RUBCN: variants seen among roughly 807,000 people sequenced by gnomAD.
RUBCN encodes rubicon autophagy regulator, also known as run domain Beclin-1-interacting and cysteine-rich domain-containing protein.
In RUBCN, 74 loss-of-function variants were observed where a neutral mutation model predicts 113.2. That is an observed-to-expected ratio of 0.65 (90% CI 0.54 to 0.79). The LOEUF is 0.79. RUBCN is among the 30% of genes least tolerant of loss of function. RUBCN has a pLI of 0.00. For synonymous variants in RUBCN, 480 were observed against 490.0 expected, an observed-to-expected ratio of 0.98 and a Z score of 0.27; for missense variants, 1,109 against 1,251.7, an observed-to-expected ratio of 0.89 and a Z score of 1.72.
intron 1 of RUBCN, among the ~76,000 whole-genome samples, chr3:197,724,333 A>G (rs1726499252): frequency 6.6e-6 from 1 of 152,180 alleles, no homozygotes; most frequent in African/African-American, 2.4e-5. Flanking sequence ...TACACTATAT[A>G]ACTAATACAT....
At chr3:197,702,423 G>A (rs1318097820) in intron 5 of RUBCN, among the ~76,000 whole-genome samples, 1 of 152,206 alleles carries the variant, frequency 6.6e-6, no homozygotes, top group Non-Finnish European at 1.5e-5. Flanking sequence ...AGCACTTTGG[G>A]AGGCCAAGGC....
chr3:197,703,697 A>C, intron 4 of RUBCN, 43 bp from the exon 5 acceptor site: 2 of 1,266,672 alleles, frequency 1.6e-6, no homozygotes, highest in Non-Finnish European at 2.3e-6. Flanking sequence ...CCCATCAGGG[A>C]GGCCTTGAGA....
chr3:197,747,611 A>C (rs1728805119), intron 1 of RUBCN, among the ~76,000 whole-genome samples: 1 of 152,150 alleles, frequency 6.6e-6, no homozygotes, highest in African/African-American at 2.4e-5. Flanking sequence ...AAATGCCTCC[A>C]AACTCTAATT....
At position 197,683,536 on chromosome 3, in the gene RUBCN, G is replaced by A. The variant is rs1721503722; in HGVS notation, c.1848-97C>T. 12 of 1,424,960 alleles carry A rather than the reference G, an allele frequency of 8.4e-6. No individual in the cohort carries two copies. In the East Asian group the frequency reaches 2.9e-4, roughly 34 times the overall value. The allele number at this position is 1,424,960 out of a possible 1,614,324, so 88.3% of individuals were successfully genotyped here. A position where few individuals can be genotyped will look rare whatever the true frequency, so the allele number is the denominator to read the frequency against. ...CTCATCCCCCACGCAGCAACTTCTG[G>A]GCTGGAAGAACACCCGCAGCACCCT... On this transcript the variant is annotated intron_variant, in intron 12 of 19. Transcript: ENST00000296343. The surrounding 1 kb of genome is among the most constrained non-coding windows in gnomAD (Gnocchi z 4.6).
chr3:197,706,107 T>C (rs1403151609), intron 2 of RUBCN, among the ~76,000 whole-genome samples: 1 of 152,190 alleles, frequency 6.6e-6, no homozygotes, highest in African/African-American at 2.4e-5. Context: ...GAGCTATTGT[T>C]AAAAGCCAGA....
At chr3:197,694,225 C>T (rs781663407) in intron 10 of RUBCN, 150 bp downstream of exon 10, 2 of 801,686 alleles carry the variant, frequency 2.5e-6, no homozygotes, top group East Asian at 2.5e-5. Context: ...GGAAACGGAG[C>T]GACTCTAGGA....
rs1333482948 is a variant in RUBCN at position 197,704,627 on chromosome 3, C to A, written c.378G>T (p.Leu126=). The part of the protein sequence containing the change: ...ASERAVAELW[L]QHSLQYHCLS... ...GGCAGTGGTACTGCAGGCTGTGCTG[C>A]AGCCACAGCTCGGCAACAGCACGTT... Residue 126 remains leucine, a synonymous_variant, in exon 4 of 20, where the codon CTG becomes CTT. Transcript: ENST00000296343. 1 of 1,614,040 alleles carries A rather than the reference C, an allele frequency of 6.2e-7. No homozygotes were observed.
chr3:197,713,488 C>T (rs1238345554), intron 2 of RUBCN, among the ~76,000 whole-genome samples: 1 of 152,170 alleles, frequency 6.6e-6, no homozygotes, highest in Non-Finnish European at 1.5e-5. Context: ...TCCCAAGTTT[C>T]TGACTTGGGA....
chr3:197,738,751 G>GT (rs11332801), upstream of RUBCN, among the ~76,000 whole-genome samples: 715 of 142,376 alleles, frequency 5.0e-3, 3 homozygotes, highest in South Asian at 0.016. Context: ...CAGCTAATTT[G>GT]TTTTTTTTTT....
chr3:197,730,685 G>GA (rs1433387831), intron 1 of RUBCN, among the ~76,000 whole-genome samples: 2 of 150,168 alleles, frequency 1.3e-5, no homozygotes, highest in Non-Finnish European at 2.9e-5. Context: ...ATCAAACAAA[G>GA]AAACAGGTGG....
intron 1 of RUBCN, among the ~76,000 whole-genome samples, chr3:197,720,084 C>T (rs976829838): frequency 5.9e-5 from 9 of 152,098 alleles, no homozygotes; most frequent in Non-Finnish European, 7.4e-5. Context: ...GCCCTTCTCC[C>T]GCCTTACTGT....
chr3:197,714,719 G>A (rs1264587148), intron 2 of RUBCN, among the ~76,000 whole-genome samples: 2 of 152,188 alleles, frequency 1.3e-5, no homozygotes, highest in Non-Finnish European at 2.9e-5. Flanking sequence ...AAAGCAAGAT[G>A]AGCTTAGAGT....
Position 197,701,139 on chromosome 3 carries a change from T to A in RUBCN, c.735A>T (p.Arg245Ser), listed in dbSNP as rs762421181. Residue 245 changes from arginine (R) to serine (S), a missense_variant, in exon 7 of 20, where the codon AGA (arginine) becomes AGT (serine). Transcript: ENST00000296343. ...GGCCAGAGAGTGGAAAGGAAGTAGA[T>A]CTTCTCTCTAGAATATAAAAGGAAA... ...QSVPNNGSER[R>S]STSFPLSGPP... The A allele has an allele frequency of 1.6e-5, 24 of 1,541,350 alleles. No homozygotes were observed. The East Asian group carries it at 5.2e-4, about 33-fold the overall frequency.
intron 11 of RUBCN, among the ~76,000 whole-genome samples, chr3:197,692,298 G>A (rs931455407): frequency 6.6e-6 from 1 of 151,992 alleles, no homozygotes; most frequent in Non-Finnish European, 1.5e-5. Context: ...GGGGCAGGAC[G>A]AGTTCCTGTG....
At chr3:197,697,344 T>C (rs1723129107) in intron 7 of RUBCN, among the ~76,000 whole-genome samples, 1 of 152,240 alleles carries the variant, frequency 6.6e-6, no homozygotes, top group East Asian at 1.9e-4. Flanking sequence ...CTTACATCTT[T>C]TAACCAAACA....
At chr3:197,679,442 T>C (rs1345766152) in intron 16 of RUBCN, among the ~76,000 whole-genome samples, 1 of 149,296 alleles carries the variant, frequency 6.7e-6, no homozygotes, top group African/African-American at 2.5e-5. Context: ...GGCTTCAGAC[T>C]GTCCTACGCT....
At chr3:197,718,157 G>T (rs1241003057) in intron 1 of RUBCN, 27 bp from the exon 2 acceptor site, 2 of 1,613,658 alleles carry the variant, frequency 1.2e-6, no homozygotes, top group Admixed American at 1.7e-5. Flanking sequence ...TACACCAATC[G>T]TTAGTTACCT....
At chr3:197,729,574 T>C (rs1289071488) in intron 1 of RUBCN, among the ~76,000 whole-genome samples, 1 of 150,706 alleles carries the variant, frequency 6.6e-6, no homozygotes, top group East Asian at 2.0e-4. Flanking sequence ...TTTGTTCTGT[T>C]TTTTGAGACA....
intron 2 of RUBCN, among the ~76,000 whole-genome samples, chr3:197,715,588 G>A (rs1725436217): frequency 6.6e-6 from 1 of 152,060 alleles, no homozygotes; most frequent in African/African-American, 2.4e-5. Context: ...CAACCCTAGA[G>A]GTAGACAGAT....
Sources: allele counts gnomAD v4.1 joint callset (sites outside exome capture counted in the v4.1 genomes callset), GRCh38; gene constraint gnomAD v4.1.1; non-coding constraint Gnocchi (gnomAD v3.1); transcripts MANE v1.5; gene names NCBI Gene and HGNC (gene_info 2026-07-23, HGNC 2026-07-21).